WLS: variants seen among roughly 807,000 people sequenced by gnomAD.
The protein encoded by WLS is protein wntless homolog.
In WLS, 23 loss-of-function variants were observed where a neutral mutation model predicts 62.8. That is an observed-to-expected ratio of 0.37 (90% CI 0.26 to 0.52). The LOEUF is 0.52. WLS is among the 20% of genes least tolerant of loss of function. WLS has a pLI of 0.92. For missense variants in WLS, 615 were observed against 697.3 expected (o/e 0.88, Z 1.33); for synonymous variants, 246 against 244.1 (o/e 1.01, Z -0.07).
chr1:68,147,184 T>A (rs1312707470), intron 8 of WLS, among the ~76,000 whole-genome samples: 1 of 152,242 alleles, frequency 6.6e-6, no homozygotes, highest in African/African-American at 2.4e-5. Flanking sequence ...GGAATATAGT[T>A]ATTTTCTGCA....
downstream of WLS, among the ~76,000 whole-genome samples, chr1:68,123,655 T>C (rs758682138): frequency 3.0e-4 from 45 of 152,136 alleles, no homozygotes; most frequent in Non-Finnish European, 4.7e-4. Context: ...GATTCTCCAT[T>C]CTTTGGAGAT....
At chr1:68,170,599 G>A (rs1647138261) in intron 2 of WLS, among the ~76,000 whole-genome samples, 1 of 151,986 alleles carries the variant, frequency 6.6e-6, no homozygotes, top group Non-Finnish European at 1.5e-5. Context: ...TTCTTTATCT[G>A]GGCTGCAGAC....
In WLS at chr1:68,153,586, A is replaced by T. The variant is rs535054590; in HGVS notation, c.734T>A (p.Ile245Asn). 9.3e-6 allele frequency: 15 copies of T among 1,614,218 alleles called. No individual in the cohort carries two copies. The South Asian group carries it at 1.6e-4, about 18-fold the overall frequency. ...FAMKTFLTPS[I>N]FIIMVWYWRR... ...CCAATACCACACCATAATGATGAAG[A>T]TGCTGGGCGTAAGGAAGGTCTTCAT... Residue 245 changes from isoleucine (I) to asparagine (N), a missense_variant, in exon 5 of 12, where the codon ATC becomes AAC. Coordinates refer to ENST00000262348, the MANE Select transcript of WLS (RefSeq NM_024911.7).
intron 1 of WLS, among the ~76,000 whole-genome samples, chr1:68,210,751 A>G (rs1207065852): frequency 6.6e-6 from 1 of 152,228 alleles, no homozygotes; most frequent in Non-Finnish European, 1.5e-5. Flanking sequence ...GCTCATCACT[A>G]CAAGAGGAGA....
intron 5 of WLS, among the ~76,000 whole-genome samples, chr1:68,150,732 A>C (rs1036220932): frequency 5.9e-5 from 9 of 152,190 alleles, no homozygotes; most frequent in African/African-American, 1.9e-4. Context: ...AAGAACACTC[A>C]TTATTATTGT....
intron 11 of WLS, among the ~76,000 whole-genome samples, chr1:68,108,080 G>A (rs1265591432): frequency 6.6e-6 from 1 of 152,096 alleles, no homozygotes; most frequent in African/African-American, 2.4e-5. Flanking sequence ...ATCTTTATAT[G>A]TATACAATAT....
chr1:68,140,433 A>G (rs1030490600), intron 10 of WLS, among the ~76,000 whole-genome samples: 1 of 152,220 alleles, frequency 6.6e-6, no homozygotes, highest in Non-Finnish European at 1.5e-5. Flanking sequence ...ACATGCACAC[A>G]TTTGTCTATT....
At chr1:68,161,802 G>A in intron 2 of WLS, 2 of 1,602,938 alleles carry the variant, frequency 1.2e-6, no homozygotes, top group Non-Finnish European at 8.5e-7. Flanking sequence ...TTGTGGGCTG[G>A]TTGGGAGAGG....
intron 4 of WLS, among the ~76,000 whole-genome samples, chr1:68,153,911 G>A (rs1024948529): frequency 3.3e-5 from 5 of 152,074 alleles, no homozygotes; most frequent in African/African-American, 1.2e-4. Context: ...TCACAATAAC[G>A]GCTTTCATGT....
chr1:68,131,834 C>A (rs1343173209), intron 11 of WLS, among the ~76,000 whole-genome samples: 1 of 152,084 alleles, frequency 6.6e-6, no homozygotes, highest in Non-Finnish European at 1.5e-5. Flanking sequence ...GACTGGTGTC[C>A]TTTGAAAGAA....
intron 11 of WLS, chr1:68,100,772 C>T (rs1050691192): frequency 5.9e-5 from 9 of 152,102 alleles, no homozygotes; most frequent in African/African-American, 2.2e-4. Context: ...AAGGTCATGC[C>T]AGGTAAGAAT....
At chr1:68,107,331 T>A (rs891535140) in intron 11 of WLS, among the ~76,000 whole-genome samples, 2 of 152,130 alleles carry the variant, frequency 1.3e-5, no homozygotes, top group Non-Finnish European at 2.9e-5. Context: ...AATGTGGCAA[T>A]TTATCTTTGA....
At chr1:68,173,905 A>G (rs1261915851) in intron 2 of WLS, among the ~76,000 whole-genome samples, 2 of 152,140 alleles carry the variant, frequency 1.3e-5, no homozygotes, top group African/African-American at 4.8e-5. Context: ...CCCCTTTGCC[A>G]TATCTAAATT....
chr1:68,170,604 G>A (rs1184556475), intron 2 of WLS, among the ~76,000 whole-genome samples: 1 of 152,068 alleles, frequency 6.6e-6, no homozygotes. Context: ...TATCTGGGCT[G>A]CAGACAGTGC....
chr1:68,108,993 T>A (rs1385958124), intron 11 of WLS, among the ~76,000 whole-genome samples: 1 of 152,262 alleles, frequency 6.6e-6, no homozygotes, highest in Non-Finnish European at 1.5e-5. Context: ...TGCTTAGTGC[T>A]ATAAAATAAA....
intron 11 of WLS, among the ~76,000 whole-genome samples, chr1:68,127,349 C>T (rs1467427997): frequency 2.0e-5 from 3 of 152,166 alleles, no homozygotes; most frequent in Non-Finnish European, 4.4e-5. Flanking sequence ...GTGCCAGAAA[C>T]GTGCTGTGCA....
At chr1:68,155,057 TC>T in intron 4 of WLS, 41 bp downstream of exon 4, 1 of 1,582,514 alleles carries the variant, frequency 6.3e-7, no homozygotes, top group Non-Finnish European at 8.6e-7. Context: ...GAGATGGAGT[TC>T]CCCTCCAATA....
At chr1:68,173,182 G>C (rs1029049089) in intron 2 of WLS, among the ~76,000 whole-genome samples, 1 of 152,240 alleles carries the variant, frequency 6.6e-6, no homozygotes, top group Non-Finnish European at 1.5e-5. Context: ...AACAAAGCTA[G>C]AGAACTCAGA....
At chr1:68,192,596 T>C (rs986848552) in intron 2 of WLS, among the ~76,000 whole-genome samples, 4 of 147,764 alleles carry the variant, frequency 2.7e-5, no homozygotes, top group Non-Finnish European at 6.0e-5. Context: ...AAAAAAAGAA[T>C]AAAAAATTAC....
Sources: allele counts gnomAD v4.1 joint callset (sites outside exome capture counted in the v4.1 genomes callset), GRCh38; gene constraint gnomAD v4.1.1; transcripts MANE v1.5; gene names NCBI Gene and HGNC (gene_info 2026-07-23, HGNC 2026-07-21).